ARHGAP24: variants seen among roughly 807,000 people sequenced by gnomAD.
The protein encoded by ARHGAP24 is rho GTPase-activating protein 24.
In ARHGAP24, 50 loss-of-function variants were observed where a neutral mutation model predicts 76.4. The ratio of observed to expected loss-of-function variants is 0.65; its 90% CI spans 0.52 to 0.83. The LOEUF is 0.83. Among genes scored for constraint, ARHGAP24 ranks in the 40% least tolerant of loss-of-function variants. ARHGAP24 has a pLI of 0.00. For synonymous variants in ARHGAP24, 345 were observed against 323.3 expected, an observed-to-expected ratio of 1.07 and a Z score of -0.72; for missense variants, 930 against 914.2, an observed-to-expected ratio of 1.02 and a Z score of -0.22.
chr4:85,719,519 T>C (rs139451985), intron 2 of ARHGAP24, among the ~76,000 whole-genome samples: 37 of 152,318 alleles, frequency 2.4e-4, no homozygotes, highest in African/African-American at 8.4e-4. Flanking sequence ...GAAAATTGAG[T>C]AAAATACTAC....
Position 85,850,459 on chromosome 4 carries a change from C to A in ARHGAP24, c.269-73189C>A, listed in dbSNP as rs1286837289. On this transcript the variant is annotated intron_variant, in intron 3 of 9. Coordinates refer to ENST00000395184, the MANE Select transcript of ARHGAP24 (RefSeq NM_001025616.3). ...TGTGTCTCTATCTCCTTCAGTTCTG[C>A]TCTGATCTTAGTTATTTCTTGCCTT... Among the ~76,000 whole-genome samples the A allele has an allele frequency of 1.2e-4, 19 of 152,056 alleles. 1 individual carries two copies.
intron 3 of ARHGAP24, among the ~76,000 whole-genome samples, chr4:85,866,556 A>T (rs1732212735): frequency 6.6e-6 from 1 of 152,098 alleles, no homozygotes. Context: ...TTTTCAAGAG[A>T]ATAAAAGATT....
At chr4:85,961,396 T>C (rs1738238945) in intron 5 of ARHGAP24, among the ~76,000 whole-genome samples, 1 of 152,186 alleles carries the variant, frequency 6.6e-6, no homozygotes, top group Non-Finnish European at 1.5e-5. Flanking sequence ...AATATTCCTC[T>C]TACACTATGA....
intron 1 of ARHGAP24, among the ~76,000 whole-genome samples, chr4:85,567,977 A>G (rs1377436885): frequency 6.6e-6 from 1 of 152,216 alleles, no homozygotes; most frequent in Non-Finnish European, 1.5e-5. Flanking sequence ...ATGCATTCTG[A>G]AATCATAAAA....
intron 3 of ARHGAP24, among the ~76,000 whole-genome samples, chr4:85,737,547 G>A (rs1725649418): frequency 6.6e-6 from 1 of 152,180 alleles, no homozygotes; most frequent in Non-Finnish European, 1.5e-5. Flanking sequence ...AATCGTGGCT[G>A]AAAATATGAT....
intron 3 of ARHGAP24, among the ~76,000 whole-genome samples, chr4:85,775,678 A>C (rs940412332): frequency 6.6e-6 from 1 of 152,204 alleles, no homozygotes; most frequent in African/African-American, 2.4e-5. Flanking sequence ...CAGCCAAACC[A>C]TATCAGTAGG....
rs1382217715 is a variant in ARHGAP24, at chr4:85,610,453, A to G, written c.180+39732A>G. Among the ~76,000 whole-genome samples, 13 of 20,538 alleles carry G rather than the reference A, an allele frequency of 6.3e-4. No individual in the cohort carries two copies. In the East Asian group the frequency reaches 0.01, roughly 16 times the overall value. 13.5% of individuals were successfully genotyped at this position (20,538 alleles called of 152,430 possible). A position where few individuals can be genotyped will look rare whatever the true frequency, so the allele number is the denominator to read the frequency against. On this transcript the variant is annotated intron_variant, in intron 2 of 9. Coordinates refer to ENST00000395184, the MANE Select transcript of ARHGAP24 (RefSeq NM_001025616.3). ...AGTGAGGAGTGAGACTCCATCTACAAAAAAAAAAAAAAAAAAAAAAAAAAA... is the reference window on the plus strand; with the variant it reads ...AGTGAGGAGTGAGACTCCATCTACAGAAAAAAAAAAAAAAAAAAAAAAAAA...
intron 3 of ARHGAP24, among the ~76,000 whole-genome samples, chr4:85,858,175 C>T (rs1281104999): frequency 6.6e-6 from 1 of 152,004 alleles, no homozygotes; most frequent in Non-Finnish European, 1.5e-5. Context: ...TATTTAATAC[C>T]AGTTGCATTT....
chr4:85,635,314 TC>T (rs942996643), intron 2 of ARHGAP24, among the ~76,000 whole-genome samples: 14 of 151,678 alleles, frequency 9.2e-5, no homozygotes, highest in Admixed American at 4.0e-4. Flanking sequence ...AACACATTCA[TC>T]CCCAACCTCT....
chr4:85,707,122 G>A lies in ARHGAP24; in HGVS notation c.181-14763G>A, dbSNP rs75640994. Among the ~76,000 whole-genome samples the A allele has an allele frequency of 5.0e-3, 763 of 152,138 alleles. 7 individuals are homozygous for A. The highest frequency in any genetic ancestry group is 0.017 in the African/African-American group (716 of 41,510). ...TGTGGAGGCACAGTCTTGCTATATTGCCCTTGCTGTTACCTCCTGGTGCCA... is the reference window on the plus strand; with the variant it reads ...TGTGGAGGCACAGTCTTGCTATATTACCCTTGCTGTTACCTCCTGGTGCCA... On this transcript the variant is annotated intron_variant, in intron 2 of 9. Coordinates refer to ENST00000395184, the MANE Select transcript of ARHGAP24 (RefSeq NM_001025616.3).
chr4:85,757,323 C>T (rs1305156442), intron 3 of ARHGAP24, among the ~76,000 whole-genome samples: 1 of 150,622 alleles, frequency 6.6e-6, no homozygotes, highest in Non-Finnish European at 1.5e-5. Context: ...CCCATTAACT[C>T]GTCATTTACA....
At chr4:85,971,615 T>C (rs533753938) in intron 5 of ARHGAP24, among the ~76,000 whole-genome samples, 7 of 152,218 alleles carry the variant, frequency 4.6e-5, no homozygotes, top group Non-Finnish European at 1.0e-4. Flanking sequence ...CTTTGTGTTA[T>C]AAGCATTCCA....
chr4:85,675,219 A>C (rs576094681), intron 2 of ARHGAP24, among the ~76,000 whole-genome samples: 1 of 152,212 alleles, frequency 6.6e-6, no homozygotes, highest in Non-Finnish European at 1.5e-5. Flanking sequence ...ACCATGACGC[A>C]TGTGTCCCTG....
intron 3 of ARHGAP24, chr4:85,722,421 A>T (rs74341569): frequency 4.8e-6 from 1 of 207,144 alleles, no homozygotes; most frequent in African/African-American, 2.4e-5. Context: ...ACAAAAAAAA[A>T]CAACTCTTAC....
intron 5 of ARHGAP24, among the ~76,000 whole-genome samples, chr4:85,959,592 A>C (rs988338506): frequency 3.3e-5 from 5 of 152,104 alleles, no homozygotes; most frequent in Non-Finnish European, 7.4e-5. Flanking sequence ...CATTTTGTTT[A>C]TTCATCCGTC....
At chr4:85,488,592 G>A (rs979902770) in intron 1 of ARHGAP24, among the ~76,000 whole-genome samples, 2 of 152,150 alleles carry the variant, frequency 1.3e-5, no homozygotes, top group African/African-American at 4.8e-5. Flanking sequence ...TTTGCCCCAG[G>A]ACACGTGAGG....
chr4:85,529,704 C>T (rs1725175484), intron 1 of ARHGAP24, among the ~76,000 whole-genome samples: 1 of 151,934 alleles, frequency 6.6e-6, no homozygotes, highest in Non-Finnish European at 1.5e-5. Flanking sequence ...CAAATGTCCT[C>T]TGTGGAGTGG....
chr4:85,669,016 G>T (rs1722732246), intron 2 of ARHGAP24, among the ~76,000 whole-genome samples: 1 of 152,118 alleles, frequency 6.6e-6, no homozygotes, highest in Non-Finnish European at 1.5e-5. Context: ...TTCTCATTAT[G>T]TGCCTTTGTG....
At chr4:85,703,887 A>G (rs1482836148) in intron 2 of ARHGAP24, among the ~76,000 whole-genome samples, 2 of 152,162 alleles carry the variant, frequency 1.3e-5, no homozygotes, top group Non-Finnish European at 2.9e-5. Context: ...ACTATAGAAC[A>G]GTTATGCTAC....
Sources: allele counts gnomAD v4.1 joint callset (sites outside exome capture counted in the v4.1 genomes callset), GRCh38; gene constraint gnomAD v4.1.1; transcripts MANE v1.5; gene names NCBI Gene and HGNC (gene_info 2026-07-23, HGNC 2026-07-21).